TENM3: variants seen among roughly 807,000 people sequenced by gnomAD.
TENM3 encodes teneurin-3.
A neutral mutation model predicts 255.1 loss-of-function variants in TENM3; 63 were observed. The ratio of observed to expected loss-of-function variants is 0.25; its 90% CI spans 0.20 to 0.30. The LOEUF (loss-of-function observed/expected upper bound fraction) is 0.30, where lower values mean the gene tolerates loss of function less well. TENM3 is among the 10% of genes least tolerant of loss of function. The pLI, the probability that TENM3 is intolerant of heterozygous loss-of-function variation, is 1.00. For synonymous variants in TENM3, 1,306 were observed against 1,322.3 expected (o/e 0.99, Z 0.27); for missense variants, 2,929 against 3,461.1 (o/e 0.85, Z 3.86).
At chr4:181,834,135 A>AGAAAGAAT in the TENM3 span, among the ~76,000 whole-genome samples, 1 of 152,008 alleles carries the variant, frequency 6.6e-6, no homozygotes, top group East Asian at 1.9e-4. Flanking sequence ...AAAGAAATGA[A>AGAAAGAAT]GAAAGAATGG....
chr4:182,452,965 G>A (rs1000312666), intron 3 of TENM3, among the ~76,000 whole-genome samples: 4 of 152,054 alleles, frequency 2.6e-5, no homozygotes, highest in Admixed American at 6.6e-5. Context: ...TGATATGTCC[G>A]AGTTTGGTTT....
the TENM3 span, among the ~76,000 whole-genome samples, chr4:181,488,112 C>T: frequency 6.6e-6 from 1 of 152,182 alleles, no homozygotes; most frequent in African/African-American, 2.4e-5. Flanking sequence ...CAGTTGGATT[C>T]TTCTTGGCTT....
Position 182,800,905 on chromosome 4 carries a change from A to G in TENM3, c.*554A>G, listed in dbSNP as rs1365929655. ...CGGCGGGGATTTATTAATGGATTTT[A>G]CAATGCTAACGTGGTTTCCCTTCGG... On this transcript the variant is annotated 3_prime_UTR_variant, in exon 28 of 28. Coordinates refer to ENST00000511685, the MANE Select transcript of TENM3 (RefSeq NM_001080477.4). 6.6e-6 allele frequency: 1 copy of G among 152,670 alleles called. No homozygotes were observed. Among genetic ancestry groups the G allele is most frequent in the Non-Finnish European group, 1.5e-5 (1 of 68,072 alleles). The allele number at this position is 152,670 out of a possible 1,614,324, so 9.5% of individuals were successfully genotyped here. A position where few individuals can be genotyped will look rare whatever the true frequency, so the allele number is the denominator to read the frequency against.
chr4:182,113,563 C>T, the TENM3 span, among the ~76,000 whole-genome samples: 2 of 152,038 alleles, frequency 1.3e-5, no homozygotes, highest in Admixed American at 6.6e-5. Flanking sequence ...AGATTATTTT[C>T]AAGTACCAAA....
intron 3 of TENM3, among the ~76,000 whole-genome samples, chr4:182,589,346 G>A (rs1284526842): frequency 3.3e-5 from 5 of 151,534 alleles, no homozygotes; most frequent in Non-Finnish European, 7.4e-5. Flanking sequence ...AATCCAATGA[G>A]ATTTTAATTT....
At chr4:182,592,594 G>T (rs534957931) in intron 3 of TENM3, among the ~76,000 whole-genome samples, 2 of 152,114 alleles carry the variant, frequency 1.3e-5, no homozygotes. Flanking sequence ...GCGTGTTGGC[G>T]CACGCCTGTA....
intron 1 of TENM3, among the ~76,000 whole-genome samples, chr4:182,218,798 G>C (rs910193703): frequency 3.3e-5 from 5 of 152,164 alleles, no homozygotes; most frequent in Non-Finnish European, 4.4e-5. Flanking sequence ...AGAAGAAAAA[G>C]AATCATGAAA....
chr4:181,587,778 T>C, the TENM3 span, among the ~76,000 whole-genome samples: 5 of 152,208 alleles, frequency 3.3e-5, no homozygotes, highest in African/African-American at 1.2e-4. Flanking sequence ...AGCTTCCTAA[T>C]CTGAGAGTGA....
the TENM3 span, among the ~76,000 whole-genome samples, chr4:181,981,982 G>C: frequency 3.8e-4 from 58 of 152,208 alleles, no homozygotes; most frequent in African/African-American, 1.3e-3. Context: ...GGTGGTATAC[G>C]TGGGAAGTGA....
intron 3 of TENM3, among the ~76,000 whole-genome samples, chr4:182,464,941 G>C (rs1379304343): frequency 6.6e-6 from 1 of 151,968 alleles, no homozygotes; most frequent in African/African-American, 2.4e-5. Flanking sequence ...CCCTTCCTGT[G>C]TTCATTCTTT....
intron 3 of TENM3, among the ~76,000 whole-genome samples, chr4:182,581,382 C>G (rs1229674058): frequency 6.6e-6 from 1 of 152,076 alleles, no homozygotes; most frequent in Admixed American, 6.6e-5. Flanking sequence ...CAAAGCTGAG[C>G]CTATGGGACT....
intron 22 of TENM3, among the ~76,000 whole-genome samples, chr4:182,768,828 G>A (rs1026233593): frequency 6.6e-6 from 1 of 152,268 alleles, no homozygotes; most frequent in Non-Finnish European, 1.5e-5. Context: ...GGTAGGTCAC[G>A]GAGAGCCTGA....
chr4:181,806,524 C>T, the TENM3 span, among the ~76,000 whole-genome samples: 1 of 152,226 alleles, frequency 6.6e-6, no homozygotes, highest in African/African-American at 2.4e-5. Flanking sequence ...AATGCGCCAC[C>T]TTCCTGGGTG....
At chr4:182,480,765 T>G (rs1734122071) in intron 3 of TENM3, among the ~76,000 whole-genome samples, 1 of 152,086 alleles carries the variant, frequency 6.6e-6, no homozygotes, top group Admixed American at 6.5e-5. Context: ...TCTTGTATTT[T>G]AACTCTGAAT....
At position 182,727,168 on chromosome 4, in the gene TENM3, G is replaced by A. The variant is rs143924285; in HGVS notation, c.2369-1797G>A. The stretch of plus-strand genomic sequence containing the variant: ...AATTACCAAGGAGATAAAAATTCAT[G>A]TTTTCAGCTGGGCTGAGTGGCTCAC... On this transcript the variant is annotated intron_variant, in intron 13 of 27. Coordinates refer to ENST00000511685, the MANE Select transcript of TENM3 (RefSeq NM_001080477.4). Among the ~76,000 whole-genome samples the A allele has an allele frequency of 8.5e-3, 1,293 of 152,150 alleles. 18 individuals are homozygous for A. The highest frequency in any genetic ancestry group is 0.028 in the African/African-American group (1,175 of 41,512).
chr4:181,484,765 AT>A, the TENM3 span, among the ~76,000 whole-genome samples: 1 of 152,156 alleles, frequency 6.6e-6, no homozygotes, highest in Non-Finnish European at 1.5e-5. Context: ...AGATGAATTA[AT>A]TTCTTCCTCT....
chr4:182,797,114 A>G (rs1348182049), intron 27 of TENM3, among the ~76,000 whole-genome samples: 1 of 152,168 alleles, frequency 6.6e-6, no homozygotes, highest in East Asian at 1.9e-4. Flanking sequence ...CAAACCACAA[A>G]CAATGCCACA....
intron 3 of TENM3, among the ~76,000 whole-genome samples, chr4:182,398,393 A>G (rs908612526): frequency 6.6e-6 from 1 of 151,974 alleles, no homozygotes; most frequent in East Asian, 1.9e-4. Flanking sequence ...AACAATTACC[A>G]CAACTTTTTC....
At chr4:181,871,309 T>C in the TENM3 span, among the ~76,000 whole-genome samples, 1 of 152,124 alleles carries the variant, frequency 6.6e-6, no homozygotes, top group Non-Finnish European at 1.5e-5. Flanking sequence ...TGATTGACAT[T>C]ACATTGAATC....
Sources: allele counts gnomAD v4.1 joint callset (sites outside exome capture counted in the v4.1 genomes callset), GRCh38; gene constraint gnomAD v4.1.1; transcripts MANE v1.5; gene names NCBI Gene and HGNC (gene_info 2026-07-23, HGNC 2026-07-21).